UBAP2: variants seen among roughly 807,000 people sequenced by gnomAD.
The protein encoded by UBAP2 is ubiquitin-associated protein 2.
A neutral mutation model predicts 139.6 loss-of-function variants in UBAP2; 75 were observed. The observed-to-expected ratio is 0.54, with a 90% CI of 0.45 to 0.65. The LOEUF (loss-of-function observed/expected upper bound fraction) is 0.65, where lower values mean the gene tolerates loss of function less well. UBAP2 is among the 30% of genes least tolerant of loss of function. The probability of loss-of-function intolerance (pLI) is 0.00; values close to 1 mark genes in which losing one functional copy is unlikely to be tolerated. For synonymous variants in UBAP2, 526 were observed against 526.2 expected (o/e 1.00, Z 0.01); for missense variants, 1,368 against 1,369.6 (o/e 1.00, Z 0.02).
intron 1 of UBAP2, among the ~76,000 whole-genome samples, chr9:34,048,487 C>A (rs968798155): frequency 3.3e-5 from 5 of 152,112 alleles, no homozygotes; most frequent in Admixed American, 2.6e-4. Context: ...TACTGGCAGG[C>A]ACCGAGGTGG....
chr9:34,011,315 C>T lies in UBAP2; in HGVS notation c.99+5735G>A, dbSNP rs796202490. Among the ~76,000 whole-genome samples the T allele has an allele frequency of 6.6e-5, 10 of 152,140 alleles. No individual in the cohort carries two copies. The East Asian group carries it at 7.7e-4, about 12-fold the overall frequency. On this transcript the variant is annotated intron_variant, in intron 2 of 28. Transcript: ENST00000379238. ...CAATGACTGATTTATTCAGACTTAG[C>T]TTTTTCAGCTTAAGTATTATATGAC...
intron 6 of UBAP2, among the ~76,000 whole-genome samples, chr9:33,980,491 T>C (rs1820566456): frequency 6.6e-6 from 1 of 151,750 alleles, no homozygotes; most frequent in South Asian, 2.1e-4. Flanking sequence ...TCTGCCCGCC[T>C]TGGCCTCCCA....
At chr9:34,000,763 T>G (rs1271510986) in intron 2 of UBAP2, among the ~76,000 whole-genome samples, 1 of 152,226 alleles carries the variant, frequency 6.6e-6, no homozygotes, top group Non-Finnish European at 1.5e-5. Context: ...TTTTTGCATT[T>G]TAAAGCACTT....
At chr9:34,031,554 G>T (rs144068691) in intron 1 of UBAP2, among the ~76,000 whole-genome samples, 2 of 151,656 alleles carry the variant, frequency 1.3e-5, no homozygotes, top group Non-Finnish European at 2.9e-5. Context: ...TGATCCACCC[G>T]CCTCGGCCTC....
chr9:33,976,106 C>G (rs952090191), intron 6 of UBAP2, among the ~76,000 whole-genome samples: 5 of 152,094 alleles, frequency 3.3e-5, no homozygotes, highest in Non-Finnish European at 5.9e-5. Flanking sequence ...AGACTTCACA[C>G]AGAGGTATTA....
At chr9:34,023,344 A>G (rs1825127558) in intron 1 of UBAP2, among the ~76,000 whole-genome samples, 1 of 152,244 alleles carries the variant, frequency 6.6e-6, no homozygotes. Context: ...ACCCATATTC[A>G]ATGTACATTA....
intron 2 of UBAP2, among the ~76,000 whole-genome samples, chr9:34,001,007 TCAGA>T (rs1486230950): frequency 1.3e-5 from 2 of 152,170 alleles, no homozygotes; most frequent in African/African-American, 4.8e-5. Flanking sequence ...TATCCCTAAA[TCAGA>T]CAATCATTTT....
At chr9:33,991,358 G>A (rs1013826230) in intron 4 of UBAP2, among the ~76,000 whole-genome samples, 1 of 152,072 alleles carries the variant, frequency 6.6e-6, no homozygotes, top group Admixed American at 6.6e-5. Context: ...CAGACAAAAT[G>A]ATCAACAGCA....
In UBAP2 at chr9:33,996,291, C is replaced by CCACTA. The variant is rs1254593031; in HGVS notation, c.215_219dup (p.Ala74Ter). On this transcript the variant is annotated stop_gained and frameshift_variant, in exon 4 of 29. Transcript: ENST00000379238. LOFTEE classifies it high-confidence loss of function. ...ACATCTCCATTACAATCATGTAGGGCCACTATGCATTCATCCTGATTTTTC... is the reference window on the plus strand; with the variant it reads ...ACATCTCCATTACAATCATGTAGGGCCACTACACTATGCATTCATCCTGATTTTTC... The CCACTA allele has an allele frequency of 6.2e-7, 1 of 1,613,656 alleles. No individual in the cohort carries two copies. The highest frequency in any genetic ancestry group is 8.5e-7 in the Non-Finnish European group (1 of 1,179,938).
intron 8 of UBAP2, among the ~76,000 whole-genome samples, chr9:33,970,090 C>T (rs1055775069): frequency 4.0e-5 from 6 of 150,694 alleles, no homozygotes; most frequent in Non-Finnish European, 8.9e-5. Context: ...ATACTATGCC[C>T]GGCTAACTTT....
At chr9:33,930,510 T>C (rs974912877) in intron 19 of UBAP2, among the ~76,000 whole-genome samples, 16 of 152,002 alleles carry the variant, frequency 1.1e-4, no homozygotes, top group African/African-American at 3.9e-4. Flanking sequence ...AACATCAAGA[T>C]ACACTTGTGG....
chr9:33,953,164 C>T lies in UBAP2; in HGVS notation c.1056+121G>A. The stretch of plus-strand genomic sequence containing the variant: ...GATTACAGGCATGAGCCATCATGCC[C>T]GGCCTTACTGTAGATATTTTTATAT... On this transcript the variant is annotated intron_variant, in intron 12 of 28. Coordinates refer to ENST00000379238, the MANE Select transcript of UBAP2 (RefSeq NM_001370062.2). 9.0e-6 allele frequency: 9 copies of T among 1,000,370 alleles called. No homozygotes were observed. The South Asian group carries it at 9.7e-5, about 11-fold the overall frequency. 62.0% of individuals were successfully genotyped at this position (1,000,370 alleles called of 1,614,324 possible).
At chr9:33,923,328 C>G in intron 25 of UBAP2, 35 bp from the exon 26 acceptor site, 1 of 1,614,056 alleles carries the variant, frequency 6.2e-7, no homozygotes, top group Non-Finnish European at 8.5e-7. Context: ...AAGTGTGAGC[C>G]AGGCAAGCCT....
intron 4 of UBAP2, among the ~76,000 whole-genome samples, chr9:33,990,597 G>A (rs1821617171): frequency 6.7e-6 from 1 of 148,258 alleles, no homozygotes; most frequent in South Asian, 2.1e-4. Context: ...TGCATCTATT[G>A]TAACCTTTCT....
intron 12 of UBAP2, among the ~76,000 whole-genome samples, chr9:33,950,152 G>A (rs528099730): frequency 2.0e-5 from 3 of 151,900 alleles, no homozygotes; most frequent in Non-Finnish European, 2.9e-5. Context: ...TGCAAGCTCC[G>A]CCTCCCAGGT....
At chr9:33,953,157 T>C (rs1289024120) in intron 12 of UBAP2, 128 bp downstream of exon 12, 13 of 943,266 alleles carry the variant, frequency 1.4e-5, no homozygotes, top group Non-Finnish European at 2.0e-5. Flanking sequence ...GCATGAGCCA[T>C]CATGCCCGGC....
intron 12 of UBAP2, among the ~76,000 whole-genome samples, chr9:33,950,994 T>C (rs979865096): frequency 6.6e-6 from 1 of 152,206 alleles, no homozygotes; most frequent in African/African-American, 2.4e-5. Flanking sequence ...GGAAATATCA[T>C]CATCACTTCT....
intron 12 of UBAP2, chr9:33,952,796 C>T (rs1826212765): frequency 6.5e-6 from 1 of 154,480 alleles, no homozygotes; most frequent in Non-Finnish European, 1.5e-5. Context: ...AGTTAAATTC[C>T]ACATGGAATC....
chr9:33,990,006 A>G (rs1329562812), intron 4 of UBAP2, among the ~76,000 whole-genome samples: 1 of 152,162 alleles, frequency 6.6e-6, no homozygotes, highest in Non-Finnish European at 1.5e-5. Context: ...TAATTTATAT[A>G]ACCTCCCTTC....
Sources: gnomAD v4.1 joint callset for allele counts (sites outside exome capture counted in the v4.1 genomes callset) on GRCh38, gnomAD v4.1.1 for gene constraint, MANE v1.5 for transcripts, NCBI Gene and HGNC (gene_info 2026-07-23, HGNC 2026-07-21) for gene names.